Variants in DLGAP2 observed in about 807,000 individuals in gnomAD.
DLGAP2 encodes the protein DLG associated protein 2, also known as disks large-associated protein 2.
In DLGAP2, 26 loss-of-function variants were observed where a neutral mutation model predicts 100.3. The observed-to-expected ratio is 0.26, with a 90% CI of 0.19 to 0.36. DLGAP2 has a LOEUF of 0.36. Among genes scored for constraint, DLGAP2 ranks in the 10% least tolerant of loss-of-function variants. DLGAP2 has a pLI of 1.00. For missense variants in DLGAP2, 1,858 were observed against 1,453.2 expected, an observed-to-expected ratio of 1.28 and a Z score of -4.53; for synonymous variants, 886 against 630.1, an observed-to-expected ratio of 1.41 and a Z score of -6.08.
intron 2 of DLGAP2, among the ~76,000 whole-genome samples, chr8:1,025,281 A>T (rs1801764096): frequency 6.6e-6 from 1 of 152,072 alleles, no homozygotes; most frequent in Non-Finnish European, 1.5e-5. Flanking sequence ...CCCGACCTGG[A>T]TCCCCGATCC....
At chr8:853,801 G>C (rs1797225624) in intron 1 of DLGAP2, among the ~76,000 whole-genome samples, 1 of 152,274 alleles carries the variant, frequency 6.6e-6, no homozygotes, top group South Asian at 2.1e-4. Context: ...ACAGAAACAA[G>C]GCAGTTTTCT....
intron 2 of DLGAP2, among the ~76,000 whole-genome samples, chr8:962,940 T>A (rs1417457732): frequency 6.6e-6 from 1 of 152,206 alleles, no homozygotes; most frequent in East Asian, 1.9e-4. Context: ...CAGCAGCCCA[T>A]TCCCATGGTC....
At chr8:1,563,679 C>T (rs1402832612) in intron 5 of DLGAP2, among the ~76,000 whole-genome samples, 1 of 152,040 alleles carries the variant, frequency 6.6e-6, no homozygotes, top group East Asian at 1.9e-4. Flanking sequence ...ATGAGCATGC[C>T]TCTCCCTCTC....
chr8:1,498,403 G>A (rs916770945), intron 3 of DLGAP2, among the ~76,000 whole-genome samples: 5 of 152,198 alleles, frequency 3.3e-5, no homozygotes, highest in African/African-American at 4.8e-5. Flanking sequence ...TTACACATTC[G>A]GGATGGAAAT....
rs1280025524 is a variant in DLGAP2 at position 1,609,487 on chromosome 8, G to A, written c.1443-17253G>A. On this transcript the variant is annotated intron_variant, in intron 6 of 14. Coordinates refer to ENST00000637795, the MANE Select transcript of DLGAP2 (RefSeq NM_001346810.2). Reference sequence around the variant, plus strand: ...CTAGGAAGAAACTGCATCAACTAACGAGCAAAATCACCAGCTAACAACATA... The same window carrying A: ...CTAGGAAGAAACTGCATCAACTAACAAGCAAAATCACCAGCTAACAACATA... Among the ~76,000 whole-genome samples the A allele has an allele frequency of 1.1e-4, 15 of 136,226 alleles. 2 individuals are homozygous for A. In the South Asian group the frequency reaches 3.6e-3, roughly 33 times the overall value. The allele number at this position is 136,226 out of a possible 152,430, so 89.4% of individuals were successfully genotyped here.
At chr8:930,515 A>G (rs1056908954) in intron 2 of DLGAP2, among the ~76,000 whole-genome samples, 1 of 152,194 alleles carries the variant, frequency 6.6e-6, no homozygotes, top group Non-Finnish European at 1.5e-5. Context: ...GGGGACTTCA[A>G]TGCTGAGTCT....
chr8:1,045,043 G>C (rs193259215), intron 2 of DLGAP2, among the ~76,000 whole-genome samples: 100 of 152,352 alleles, frequency 6.6e-4, no homozygotes, highest in African/African-American at 2.4e-3. Flanking sequence ...TGAGCAGAGA[G>C]AACCTCCTGC....
intron 3 of DLGAP2, among the ~76,000 whole-genome samples, chr8:1,271,767 A>C (rs149240932): frequency 7.9e-5 from 12 of 152,304 alleles, no homozygotes; most frequent in Non-Finnish European, 1.5e-4. Flanking sequence ...AAGATGAATA[A>C]ATTCTGGAGA....
intron 2 of DLGAP2, among the ~76,000 whole-genome samples, chr8:1,114,666 T>A (rs1012954589): frequency 1.6e-4 from 24 of 147,794 alleles, no homozygotes; most frequent in African/African-American, 6.2e-4. Context: ...GATTCATTGA[T>A]TTTTTTCAAT....
intron 13 of DLGAP2, among the ~76,000 whole-genome samples, chr8:1,695,045 G>T (rs557074235): frequency 4.9e-4 from 74 of 152,294 alleles, no homozygotes; most frequent in Middle Eastern, 3.4e-3. Context: ...AGGAGAGGAG[G>T]GGGGCACGGG....
chr8:766,056 A>G (rs544543717), intron 1 of DLGAP2, among the ~76,000 whole-genome samples: 1 of 152,278 alleles, frequency 6.6e-6, no homozygotes, highest in East Asian at 1.9e-4. Flanking sequence ...AATCTCAGCT[A>G]CTTGGGAGGC....
At chr8:1,170,770 C>G (rs2116675996) in intron 2 of DLGAP2, among the ~76,000 whole-genome samples, 1 of 149,932 alleles carries the variant, frequency 6.7e-6, no homozygotes, top group Admixed American at 6.7e-5. Context: ...TGATTCTTTT[C>G]TCTTTTTTTC....
At chr8:878,382 T>G in intron 1 of DLGAP2, among the ~76,000 whole-genome samples, 1 of 152,132 alleles carries the variant, frequency 6.6e-6, no homozygotes, top group Non-Finnish European at 1.5e-5. Flanking sequence ...TTCAGAAAAT[T>G]CTTGATGAAT....
intron 5 of DLGAP2, among the ~76,000 whole-genome samples, chr8:1,556,878 A>C (rs1801982110): frequency 6.6e-6 from 1 of 152,232 alleles, no homozygotes. Flanking sequence ...AGATCTCTTC[A>C]GCTGAGATGT....
rs79228556 is a variant in DLGAP2 at position 1,496,152 on chromosome 8, C to G, written c.107-5214C>G. On this transcript the variant is annotated intron_variant, in intron 3 of 14. Coordinates refer to ENST00000637795, the MANE Select transcript of DLGAP2 (RefSeq NM_001346810.2). Reference sequence around the variant, plus strand: ...GGCTATATGGTCCATCGGTCACTCACCTGCCCACAATCATTTCTTTCCTCT... The same window carrying G: ...GGCTATATGGTCCATCGGTCACTCAGCTGCCCACAATCATTTCTTTCCTCT... Among the ~76,000 whole-genome samples the G allele has an allele frequency of 1.2e-3, 184 of 152,316 alleles. 1 individual carries two copies. The East Asian group carries it at 0.019, about 16-fold the overall frequency.
At chr8:1,619,377 T>C (rs190213118) in intron 6 of DLGAP2, among the ~76,000 whole-genome samples, 20 of 152,362 alleles carry the variant, frequency 1.3e-4, no homozygotes, top group African/African-American at 4.8e-4. Flanking sequence ...CAAAACTCAC[T>C]GAGTCCTACA....
intron 3 of DLGAP2, among the ~76,000 whole-genome samples, chr8:1,353,079 G>A (rs995286790): frequency 3.9e-5 from 6 of 152,154 alleles, no homozygotes; most frequent in Non-Finnish European, 8.8e-5. Context: ...AGCAAGAAAC[G>A]ACGAAGGACC....
chr8:771,942 C>T (rs1563423457), intron 1 of DLGAP2, among the ~76,000 whole-genome samples: 1 of 152,302 alleles, frequency 6.6e-6, no homozygotes, highest in South Asian at 2.1e-4. Flanking sequence ...CTCTCTCTGT[C>T]TCCAGGCTGG....
chr8:1,692,969 A>G (rs1376023533), intron 13 of DLGAP2, among the ~76,000 whole-genome samples: 1 of 148,490 alleles, frequency 6.7e-6, no homozygotes, highest in Admixed American at 6.8e-5. Context: ...GCTCATATAT[A>G]CATCTCATAT....
Sources: allele counts gnomAD v4.1 joint callset (sites outside exome capture counted in the v4.1 genomes callset), GRCh38; gene constraint gnomAD v4.1.1; transcripts MANE v1.5; gene names NCBI Gene and HGNC (gene_info 2026-07-23, HGNC 2026-07-21).